Variants in LTBP4 observed in about 807,000 individuals in gnomAD.
LTBP4 encodes the protein latent-transforming growth factor beta-binding protein 4.
Under a neutral mutation model 180.2 loss-of-function variants are expected in LTBP4, and 93 were observed. The ratio of observed to expected loss-of-function variants is 0.52; its 90% CI spans 0.44 to 0.61. The LOEUF (loss-of-function observed/expected upper bound fraction) is 0.61, where lower values mean the gene tolerates loss of function less well. LTBP4 is among the 20% of genes least tolerant of loss of function. The pLI is 0.00. For missense variants in LTBP4, 2,116 were observed against 2,256.5 expected, an observed-to-expected ratio of 0.94 and a Z score of 1.26; for synonymous variants, 947 against 934.5, an observed-to-expected ratio of 1.01 and a Z score of -0.24.
At chr19:40,623,808 GCCA>G (rs1004651108) in intron 25 of LTBP4, 76 bp downstream of exon 25, 92 of 1,599,640 alleles carry the variant, frequency 5.8e-5, no homozygotes, top group Non-Finnish European at 7.2e-5. Flanking sequence ...CTGGAATGTG[GCCA>G]CCACCAGCGG....
At chr19:40,626,713 C>T (rs552651759) in intron 27 of LTBP4, among the ~76,000 whole-genome samples, 1 of 152,308 alleles carries the variant, frequency 6.6e-6, no homozygotes, top group South Asian at 2.1e-4. Context: ...CTAATTTCTT[C>T]AGGTCCCTAG....
In LTBP4 at chr19:40,629,334, G is replaced by A; in HGVS notation, c.4520-62G>A. ...CTCCTCTGTTCCAAGAACTTAAGGG[G>A]CCAAGGAGGCGAGCTTCTGGGGCCC... On this transcript the variant is annotated intron_variant, in intron 29 of 29. Transcript: ENST00000396819. The surrounding 1 kb of genome is among the most constrained non-coding windows in gnomAD (Gnocchi z 4.5). The A allele has an allele frequency of 1.2e-6, 2 of 1,604,516 alleles. No individual in the cohort carries two copies. The highest frequency in any genetic ancestry group is 2.2e-5 in the East Asian group (1 of 44,482).
rs1236876864 is a variant in LTBP4, at chr19:40,623,950, G to C, written c.3700G>C (p.Ala1234Pro). The C allele has an allele frequency of 6.2e-7, 1 of 1,613,920 alleles. No individual in the cohort carries two copies. Among genetic ancestry groups the C allele is most frequent in the East Asian group, 2.2e-5 (1 of 44,876 alleles). The change falls in exon 26 of 30, where the codon GCC (alanine) becomes CCC (proline). Residue 1234 changes from alanine (A) to proline (P), a missense_variant. Ala to Pro is a conservative substitution (Grantham distance 27, BLOSUM62 -1). Transcript: ENST00000396819. ...RLECIDNDEC[A>P]DEEPACEGGR... ...CCTCTCCCTAGACAATGACGAGTGC[G>C]CCGATGAGGAACCGGCCTGTGAGGG... is the stretch of plus-strand genomic sequence containing the variant.
Position 40,622,698 on chromosome 19 carries a change from G to C in LTBP4, c.3484+31G>C. The C allele has an allele frequency of 6.4e-7, 1 of 1,572,180 alleles. No homozygotes were observed. The highest frequency in any genetic ancestry group is 1.1e-5 in the South Asian group (1 of 87,288). On this transcript the variant is annotated intron_variant, in intron 23 of 29. Coordinates refer to ENST00000396819, the MANE Select transcript of LTBP4 (RefSeq NM_001042545.2). The surrounding 1 kb of genome is among the most constrained non-coding windows in gnomAD (Gnocchi z 5.1). ...CATGGGCTGATGGGGACACAGGGCT[G>C]AGGGCTTGGGTGGAAATACTGGGTG...
At chr19:40,610,498 GC>G in intron 11 of LTBP4, 33 bp from the exon 12 acceptor site, 1 of 1,572,620 alleles carries the variant, frequency 6.4e-7, no homozygotes. Context: ...GGGGCTGTCT[GC>G]CCCAGTCCCA....
At position 40,610,667 on chromosome 19, in the gene LTBP4, T is replaced by A. The variant is rs569429660; in HGVS notation, c.1810+10T>A. 35 of 1,574,848 alleles carry A rather than the reference T, an allele frequency of 2.2e-5. No homozygotes were observed. The African/African-American group carries it at 3.6e-4, about 16-fold the overall frequency. On this transcript the variant is annotated intron_variant, in intron 12 of 29. Transcript: ENST00000396819. ...GGAGCCAGCTGCCAGGGTGAGGGCCTGGGAGGGGCAGCTGGGAAGGGGTGT... is the reference window on the plus strand; with the variant it reads ...GGAGCCAGCTGCCAGGGTGAGGGCCAGGGAGGGGCAGCTGGGAAGGGGTGT...
At chr19:40,594,114 GGA>G (rs1222464604) in intron 1 of LTBP4, among the ~76,000 whole-genome samples, 25 of 151,572 alleles carry the variant, frequency 1.6e-4, no homozygotes, top group Middle Eastern at 3.4e-3. Flanking sequence ...GGGTGGGGGG[GGA>G]GAGAGAGAGA....
At position 40,622,708 on chromosome 19, in the gene LTBP4, G is replaced by A; in HGVS notation, c.3484+41G>A. ...TGGGGACACAGGGCTGAGGGCTTGG[G>A]TGGAAATACTGGGTGGGGTGTGGGC... is the stretch of plus-strand genomic sequence containing the variant. On this transcript the variant is annotated intron_variant, in intron 23 of 29. Transcript: ENST00000396819. The surrounding 1 kb of genome is among the most constrained non-coding windows in gnomAD (Gnocchi z 5.1). The A allele has an allele frequency of 1.9e-6, 3 of 1,560,440 alleles. No individual in the cohort carries two copies. Among genetic ancestry groups the A allele is most frequent in the Non-Finnish European group, 2.6e-6 (3 of 1,153,424 alleles).
At position 40,611,554 on chromosome 19, in the gene LTBP4, A is replaced by C. The variant is rs192928744; in HGVS notation, c.2053+160A>C. 5.7e-4 allele frequency among the ~76,000 whole-genome samples: 87 copies of C among 152,276 alleles called. No individual in the cohort carries two copies. The highest frequency in any genetic ancestry group is 2.0e-3 in the African/African-American group (83 of 41,562). On this transcript the variant is annotated intron_variant, in intron 13 of 29. Transcript: ENST00000396819. The surrounding 1 kb of genome is among the most constrained non-coding windows in gnomAD (Gnocchi z 4.4). ...CAGAGTCTTCTCTCCTTTCAACAAA[A>C]TAAGGCAGTCCTCCCCACCCCTCCT... is the stretch of plus-strand genomic sequence containing the variant.
intron 1 of LTBP4, among the ~76,000 whole-genome samples, chr19:40,602,277 G>T (rs1041528192): frequency 2.0e-5 from 3 of 150,960 alleles, no homozygotes. Flanking sequence ...TACGGAAGGG[G>T]CGCCCCCTGG....
Position 40,608,329 on chromosome 19 carries a change from C to T in LTBP4, c.1266C>T (p.Ser422=), listed in dbSNP as rs1475646471. Residue 422 remains serine (S), a synonymous_variant, in exon 8 of 30, where the codon AGC becomes AGT. Transcript: ENST00000396819. The part of the protein sequence containing the change: ...LGQEPPRVSL[S]QPRTLPATSR... ...AGGAGCCACCCCGAGTGTCACTCAGCCAGCCTCGTACCCTGCCAGCCACCT... is the reference window on the plus strand; with the variant it reads ...AGGAGCCACCCCGAGTGTCACTCAGTCAGCCTCGTACCCTGCCAGCCACCT... 3 of 1,613,622 alleles carry T rather than the reference C, an allele frequency of 1.9e-6. No homozygotes were observed. The highest frequency in any genetic ancestry group is 3.3e-5 in the Admixed American group (2 of 59,978).
upstream of LTBP4, chr19:40,597,175 G>A: frequency 7.5e-7 from 1 of 1,331,664 alleles, no homozygotes; most frequent in Non-Finnish European, 9.6e-7. Context: ...GGCGGGGCCG[G>A]GGCTAGCCTG....
intron 26 of LTBP4, 89 bp downstream of exon 26, chr19:40,624,171 T>TCCGAAGGCCACGCCCC: frequency 7.1e-7 from 1 of 1,403,384 alleles, no homozygotes; most frequent in Admixed American, 2.6e-5. Context: ...GGCCACGCCC[T>TCCGAAGGCCACGCCCC]CCGAAGGCCA....
rs1157475549 is a variant in LTBP4, at chr19:40,629,695, C to T, written c.*145C>T. On this transcript the variant is annotated 3_prime_UTR_variant, in exon 30 of 30. Transcript: ENST00000396819. This position sits in a 1 kb window ranked among gnomAD's most constrained non-coding sequence, Gnocchi z 4.5. ...ACGGACGCCTGGAAGCTGCGACGCC[C>T]TGCACTGCTCCCGCCTCCACCAGCG... The T allele has an allele frequency of 4.8e-6, 4 of 824,966 alleles. No individual in the cohort carries two copies. The highest frequency in any genetic ancestry group is 4.5e-5 in the Admixed American group (1 of 22,322). 51.1% of individuals were successfully genotyped at this position (824,966 alleles called of 1,614,324 possible).
In LTBP4 at chr19:40,623,750, C is replaced by T; in HGVS notation, c.3685+18C>T. ...GTGCATCGGTACAAGCCCCACCTCCCCCAACCCCCGGCAACTCTCTCCAAC... is the reference window on the plus strand; with the variant it reads ...GTGCATCGGTACAAGCCCCACCTCCTCCAACCCCCGGCAACTCTCTCCAAC... On this transcript the variant is annotated intron_variant, in intron 25 of 29. Transcript: ENST00000396819. The T allele has an allele frequency of 6.2e-7, 1 of 1,613,446 alleles. No individual in the cohort carries two copies. The highest frequency in any genetic ancestry group is 8.5e-7 in the Non-Finnish European group (1 of 1,179,478).
chr19:40,615,714 G>A (rs1000656859), intron 19 of LTBP4, among the ~76,000 whole-genome samples: 8 of 152,172 alleles, frequency 5.3e-5, no homozygotes, highest in South Asian at 2.1e-4. Flanking sequence ...AGCCGAGATC[G>A]CGCCACTGCA....
chr19:40,599,331 T>G, upstream of LTBP4: 1 of 1,610,294 alleles, frequency 6.2e-7, no homozygotes, highest in Non-Finnish European at 8.5e-7. Context: ...TCCCCATCCC[T>G]CCCCTCATCC....
rs1443880429 is a variant in LTBP4 at position 40,605,919 on chromosome 19, G to A, written c.793+88G>A. On this transcript the variant is annotated intron_variant, in intron 4 of 29. Transcript: ENST00000396819. This position sits in a 1 kb window ranked among gnomAD's most constrained non-coding sequence, Gnocchi z 5.5. ...TCCTACTCTGCCCTAGATAAACCCA[G>A]TTCACAAATTGTAGCCACGCCTACC... 15 of 1,396,602 alleles carry A rather than the reference G, an allele frequency of 1.1e-5. No homozygotes were observed. Among genetic ancestry groups the A allele is most frequent in the Non-Finnish European group, 1.4e-5 (15 of 1,038,826 alleles). The allele number at this position is 1,396,602 out of a possible 1,614,324, so 86.5% of individuals were successfully genotyped here. A position where few individuals can be genotyped will look rare whatever the true frequency, so the allele number is the denominator to read the frequency against.
At chr19:40,617,530 G>C (rs2081559036) in intron 21 of LTBP4, among the ~76,000 whole-genome samples, 1 of 151,716 alleles carries the variant, frequency 6.6e-6, no homozygotes, top group Non-Finnish European at 1.5e-5. Flanking sequence ...TGTAATCCCA[G>C]CTACTCAGGA....
Sources: gnomAD v4.1 joint callset for allele counts (sites outside exome capture counted in the v4.1 genomes callset) on GRCh38, gnomAD v4.1.1 for gene constraint, Gnocchi (gnomAD v3.1) non-coding constraint, MANE v1.5 for transcripts, NCBI Gene and HGNC (gene_info 2026-07-23, HGNC 2026-07-21) for gene names.